The following MMP26 variants were observed in gnomAD, a reference collection of about 807,000 sequenced individuals.
MMP26 encodes matrix metalloproteinase-26.
MMP26 carries 33 observed loss-of-function variants against 31.0 expected under a neutral mutation model. The observed-to-expected ratio is 1.06, with a 90% CI of 0.81 to 1.42. The LOEUF is 1.42. Among genes scored for constraint, MMP26 ranks in the 40% most tolerant of loss-of-function variants. MMP26 has a pLI of 0.00. For synonymous variants in MMP26, 122 were observed against 114.9 expected (o/e 1.06, Z -0.40); for missense variants, 347 against 316.1 (o/e 1.10, Z -0.74).
At chr11:4,780,757 A>G (rs1036725643) in intron 2 of MMP26, among the ~76,000 whole-genome samples, 1 of 152,014 alleles carries the variant, frequency 6.6e-6, no homozygotes, top group Non-Finnish European at 1.5e-5. Flanking sequence ...AAAGTACTGA[A>G]GTACATATTT....
intron 2 of MMP26, among the ~76,000 whole-genome samples, chr11:4,925,994 A>G (rs1851267128): frequency 6.6e-6 from 1 of 152,108 alleles, no homozygotes; most frequent in Non-Finnish European, 1.5e-5. Flanking sequence ...ATGGGTGAGA[A>G]TATTAGGATT....
intron 2 of MMP26, chr11:4,848,462 A>ACT: frequency 1.9e-6 from 3 of 1,613,800 alleles, no homozygotes; most frequent in Non-Finnish European, 2.5e-6. Flanking sequence ...AGAGGTGGGC[A>ACT]GCACAGGTTT....
At chr11:4,762,975 G>T (rs533263708) in intron 1 of MMP26, among the ~76,000 whole-genome samples, 3 of 152,164 alleles carry the variant, frequency 2.0e-5, no homozygotes, top group Non-Finnish European at 4.4e-5. Context: ...TTGGGATTTA[G>T]TATCTTCTTG....
intron 2 of MMP26, among the ~76,000 whole-genome samples, chr11:4,808,453 G>A (rs1237068202): frequency 6.6e-6 from 1 of 152,018 alleles, no homozygotes; most frequent in Non-Finnish European, 1.5e-5. Context: ...TCTCCAGCTT[G>A]GCCTCCTGGT....
At chr11:4,906,121 G>C (rs1850884275) in intron 2 of MMP26, among the ~76,000 whole-genome samples, 1 of 152,182 alleles carries the variant, frequency 6.6e-6, no homozygotes, top group Non-Finnish European at 1.5e-5. Flanking sequence ...ATGGTAGCCT[G>C]AAGTGTGAAC....
At chr11:4,980,606 C>A (rs1368427463) in intron 2 of MMP26, among the ~76,000 whole-genome samples, 1 of 151,898 alleles carries the variant, frequency 6.6e-6, no homozygotes, top group Non-Finnish European at 1.5e-5. Context: ...GAAAGCTGTG[C>A]AAATAAAATG....
At chr11:4,880,292 A>G (rs1850440918) in intron 2 of MMP26, among the ~76,000 whole-genome samples, 3 of 152,056 alleles carry the variant, frequency 2.0e-5, no homozygotes, top group African/African-American at 7.2e-5. Context: ...ACCAGGTAAG[A>G]CGGGAGTGCA....
chr11:4,904,213 A>G (rs1850847633), intron 2 of MMP26, among the ~76,000 whole-genome samples: 1 of 152,114 alleles, frequency 6.6e-6, no homozygotes, highest in South Asian at 2.1e-4. Flanking sequence ...TGAGGTAGAT[A>G]CCATTGTTTA....
intron 1 of MMP26, among the ~76,000 whole-genome samples, chr11:4,730,540 G>T (rs1848160976): frequency 6.6e-6 from 1 of 152,134 alleles, no homozygotes; most frequent in African/African-American, 2.4e-5. Flanking sequence ...TGCATGTTAT[G>T]TGGCTATTGA....
chr11:4,744,571 G>C (rs1287354085), intron 1 of MMP26, among the ~76,000 whole-genome samples: 1 of 152,058 alleles, frequency 6.6e-6, no homozygotes, highest in Non-Finnish European at 1.5e-5. Context: ...CCAGAATAGA[G>C]GATATTTATG....
intron 2 of MMP26, among the ~76,000 whole-genome samples, chr11:4,855,741 G>A (rs187594359): frequency 8.5e-5 from 13 of 152,168 alleles, no homozygotes; most frequent in African/African-American, 2.2e-4. Context: ...GATACTCCTC[G>A]AGAAGAGCAA....
At chr11:4,870,053 C>A (rs1850290433) in intron 2 of MMP26, among the ~76,000 whole-genome samples, 1 of 152,046 alleles carries the variant, frequency 6.6e-6, no homozygotes, top group African/African-American at 2.4e-5. Context: ...TGGGGAACAT[C>A]ACACACTGGG....
intron 2 of MMP26, chr11:4,945,202 C>T: frequency 6.6e-6 from 1 of 151,872 alleles, no homozygotes; most frequent in Non-Finnish European, 1.5e-5. Flanking sequence ...ATAATACAAA[C>T]TAGGGCTAGG....
chr11:4,724,589 T>C (rs975788377), intron 1 of MMP26, among the ~76,000 whole-genome samples: 1 of 152,240 alleles, frequency 6.6e-6, no homozygotes, highest in African/African-American at 2.4e-5. Flanking sequence ...GCAAAAATTA[T>C]ACCCCAATAT....
At chr11:4,772,804 T>A (rs1848743555) in intron 2 of MMP26, among the ~76,000 whole-genome samples, 1 of 152,160 alleles carries the variant, frequency 6.6e-6, no homozygotes, top group African/African-American at 2.4e-5. Flanking sequence ...AGCTGCACAT[T>A]TGTGGAGACA....
chr11:4,835,009 A>G (rs1320336694), intron 2 of MMP26, among the ~76,000 whole-genome samples: 3 of 152,134 alleles, frequency 2.0e-5, no homozygotes, highest in African/African-American at 7.2e-5. Context: ...AAACATTCAA[A>G]CATTCAGTAG....
intron 2 of MMP26, 93 bp downstream of exon 2, chr11:4,767,434 T>C (rs1289302510): frequency 6.6e-6 from 1 of 152,178 alleles, no homozygotes; most frequent in East Asian, 1.9e-4. Context: ...ACACACAAGA[T>C]TTTAACCTTC....
At chr11:4,933,898 T>C (rs1374512025) in intron 2 of MMP26, among the ~76,000 whole-genome samples, 1 of 149,520 alleles carries the variant, frequency 6.7e-6, no homozygotes, top group Non-Finnish European at 1.5e-5. Context: ...ACAAAGGACG[T>C]GAACTCATCA....
chr11:4,962,025 TTTTG>T (rs1476204088), intron 2 of MMP26, among the ~76,000 whole-genome samples: 6 of 151,934 alleles, frequency 3.9e-5, no homozygotes, highest in Non-Finnish European at 5.9e-5. Context: ...GTGCTGTGTC[TTTTG>T]TTTTTTGTTT....
Sources: allele counts gnomAD v4.1 joint callset (sites outside exome capture counted in the v4.1 genomes callset), GRCh38; gene constraint gnomAD v4.1.1; transcripts MANE v1.5; gene names NCBI Gene and HGNC (gene_info 2026-07-23, HGNC 2026-07-21).